Variants in ALG14 observed in about 807,000 individuals in gnomAD.
ALG14 encodes the protein ALG14 UDP-N-acetylglucosaminyltransferase subunit.
ALG14 carries 17 observed loss-of-function variants against 22.8 expected under a neutral mutation model. That is an observed-to-expected ratio of 0.75 (90% CI 0.51 to 1.12). The LOEUF is 1.12. Ranked by LOEUF, ALG14 falls within the 50% of genes most tolerant of loss-of-function variation. The pLI, the probability that ALG14 is intolerant of heterozygous loss-of-function variation, is 0.00. For synonymous variants in ALG14, 89 were observed against 103.7 expected (o/e 0.86, Z 0.86); for missense variants, 288 against 271.8 (o/e 1.06, Z -0.42).
chr1:95,024,876 G>T (rs1423140220), intron 3 of ALG14, among the ~76,000 whole-genome samples: 4 of 152,096 alleles, frequency 2.6e-5, no homozygotes, highest in African/African-American at 9.7e-5. Context: ...TCAAAGTCAT[G>T]CAGGAGGGCT....
chr1:94,997,047 A>C (rs1672926837), intron 3 of ALG14, among the ~76,000 whole-genome samples: 2 of 152,202 alleles, frequency 1.3e-5, no homozygotes, highest in South Asian at 4.1e-4. Flanking sequence ...TAAGGAAGAC[A>C]CCCAAAAGTG....
At chr1:95,056,522 A>C (rs891771716) in intron 2 of ALG14, among the ~76,000 whole-genome samples, 3 of 151,890 alleles carry the variant, frequency 2.0e-5, no homozygotes, top group Admixed American at 2.0e-4. Context: ...GTGCGCTCCC[A>C]TAGTCCCAGT....
At chr1:95,053,563 TG>T (rs1279283943) in intron 2 of ALG14, among the ~76,000 whole-genome samples, 1 of 152,174 alleles carries the variant, frequency 6.6e-6, no homozygotes, top group Non-Finnish European at 1.5e-5. Flanking sequence ...TTGTTTTTTT[TG>T]TTTGTTTGTT....
chr1:95,069,604 T>G (rs1243635877), intron 1 of ALG14, among the ~76,000 whole-genome samples: 3 of 152,188 alleles, frequency 2.0e-5, no homozygotes, highest in Admixed American at 2.0e-4. Context: ...CCTTTGTGAT[T>G]GTTACCTCCT....
chr1:94,985,381 A>G (rs906458824), intron 3 of ALG14, among the ~76,000 whole-genome samples: 5 of 152,178 alleles, frequency 3.3e-5, no homozygotes, highest in Non-Finnish European at 7.3e-5. Context: ...CCTGGCCTCT[A>G]CCCACAAGAT....
intron 2 of ALG14, among the ~76,000 whole-genome samples, chr1:95,047,374 G>A (rs368408930): frequency 8.6e-5 from 13 of 151,944 alleles, no homozygotes; most frequent in East Asian, 5.8e-4. Context: ...ATGGAGTTTC[G>A]CTCTTGTCAC....
intron 1 of ALG14, among the ~76,000 whole-genome samples, chr1:95,065,377 T>C (rs1331504380): frequency 6.6e-6 from 1 of 151,892 alleles, no homozygotes; most frequent in Non-Finnish European, 1.5e-5. Flanking sequence ...AACTAAAATG[T>C]GAAGGGTAAG....
intron 2 of ALG14, chr1:95,061,957 T>C (rs1675170149): frequency 6.6e-6 from 1 of 151,042 alleles, no homozygotes; most frequent in African/African-American, 2.4e-5. Context: ...TTTCCTTCCT[T>C]AATTAAGAAG....
chr1:94,983,481 G>A (rs897548842), intron 3 of ALG14, 175 bp from the exon 4 acceptor site: 6 of 594,004 alleles, frequency 1.0e-5, no homozygotes, highest in African/African-American at 1.9e-5. Flanking sequence ...GCACTTTGGA[G>A]CCAGGCAGAG....
At chr1:95,012,680 C>A (rs1313241390) in intron 3 of ALG14, among the ~76,000 whole-genome samples, 1 of 152,140 alleles carries the variant, frequency 6.6e-6, no homozygotes, top group Non-Finnish European at 1.5e-5. Context: ...GTTCCAGGAG[C>A]CCCTGCTTTG....
chr1:95,013,376 G>A (rs958899075), intron 3 of ALG14, among the ~76,000 whole-genome samples: 4 of 150,872 alleles, frequency 2.7e-5, no homozygotes, highest in African/African-American at 7.3e-5. Context: ...TTGCTCCGTC[G>A]CCCAGGCTGG....
intron 2 of ALG14, among the ~76,000 whole-genome samples, chr1:95,044,766 T>C (rs1674491461): frequency 1.3e-5 from 2 of 152,194 alleles, no homozygotes; most frequent in African/African-American, 4.8e-5. Flanking sequence ...GTGAGCTCCA[T>C]GATGGCAGAC....
intron 2 of ALG14, among the ~76,000 whole-genome samples, chr1:95,034,326 C>G (rs1309138949): frequency 6.6e-6 from 1 of 152,194 alleles, no homozygotes; most frequent in South Asian, 2.1e-4. Context: ...ATGTAGTCTG[C>G]CCCTCTTCCA....
chr1:95,054,694 G>T (rs934926051), intron 2 of ALG14, among the ~76,000 whole-genome samples: 3 of 152,038 alleles, frequency 2.0e-5, no homozygotes, highest in African/African-American at 7.2e-5. Flanking sequence ...ATTACAAAAA[G>T]AACACATCAG....
intron 3 of ALG14, among the ~76,000 whole-genome samples, chr1:95,022,526 T>C (rs1027540583): frequency 6.6e-6 from 1 of 152,230 alleles, no homozygotes; most frequent in African/African-American, 2.4e-5. Flanking sequence ...CTGCCAAATT[T>C]ACAGCGCATA....
At chr1:95,024,573 T>C (rs922997368) in intron 3 of ALG14, among the ~76,000 whole-genome samples, 1 of 152,216 alleles carries the variant, frequency 6.6e-6, no homozygotes, top group Non-Finnish European at 1.5e-5. Flanking sequence ...GTTCTTAAAG[T>C]GAACATGAAG....
At chr1:95,003,460 T>C (rs1193039272) in intron 3 of ALG14, among the ~76,000 whole-genome samples, 1 of 151,744 alleles carries the variant, frequency 6.6e-6, no homozygotes, top group Non-Finnish European at 1.5e-5. Flanking sequence ...CTTTTTTTTT[T>C]TTTTTTTGAG....
intron 2 of ALG14, among the ~76,000 whole-genome samples, chr1:95,040,427 A>G (rs1352732333): frequency 6.6e-6 from 1 of 152,124 alleles, no homozygotes; most frequent in Non-Finnish European, 1.5e-5. Context: ...TTTCCCTTTT[A>G]CTTCCTTGCC....
intron 3 of ALG14, among the ~76,000 whole-genome samples, chr1:95,008,283 T>C (rs1187068368): frequency 1.3e-5 from 2 of 152,162 alleles, no homozygotes; most frequent in African/African-American, 4.8e-5. Flanking sequence ...CAGTGATGAA[T>C]GTGGGTGGTA....
Sources: gnomAD v4.1 joint callset for allele counts (sites outside exome capture counted in the v4.1 genomes callset) on GRCh38, gnomAD v4.1.1 for gene constraint, MANE v1.5 for transcripts, NCBI Gene and HGNC (gene_info 2026-07-23, HGNC 2026-07-21) for gene names.